LONRF1: variants seen among roughly 807,000 people sequenced by gnomAD.
LONRF1 encodes the protein LON peptidase N-terminal domain and ring finger 1, also known as LON peptidase N-terminal domain and RING finger protein 1.
In LONRF1, 37 loss-of-function variants were observed where a neutral mutation model predicts 85.8. That is an observed-to-expected ratio of 0.43 (90% CI 0.33 to 0.57). The LOEUF (loss-of-function observed/expected upper bound fraction) is 0.57, where lower values mean the gene tolerates loss of function less well. LONRF1 is among the 20% of genes least tolerant of loss of function. LONRF1 has a pLI of 0.04. For missense variants in LONRF1, 1,036 were observed against 978.0 expected (o/e 1.06, Z -0.79); for synonymous variants, 517 against 390.1 (o/e 1.33, Z -3.83).
chr8:12,729,415 A>G, intron 8 of LONRF1, 83 bp from the exon 9 acceptor site: 1 of 1,322,542 alleles, frequency 7.6e-7, no homozygotes, highest in Non-Finnish European at 1.1e-6. Context: ...GAGGTTTATA[A>G]CAGTAATGAA....
Position 12,735,292 on chromosome 8 carries a change from T to C in LONRF1, c.1560A>G (p.Leu520=). 1 of 1,594,964 alleles carries C rather than the reference T, an allele frequency of 6.3e-7. No individual in the cohort carries two copies. Among genetic ancestry groups the C allele is most frequent in the Non-Finnish European group, 8.6e-7 (1 of 1,167,066 alleles). ...CACATATACAAATATTTACCTCTTT[T>C]AAGCTTTCTTTGCAAAGAGGACAAT... ...APYCPLCKES[L]KEYLADRRYC... Residue 520 remains leucine, a synonymous_variant, in exon 7 of 12, where the codon TTA becomes TTG. Transcript: ENST00000398246.
At chr8:12,751,839 G>A (rs759752009) in intron 1 of LONRF1, among the ~76,000 whole-genome samples, 1 of 152,058 alleles carries the variant, frequency 6.6e-6, no homozygotes. Context: ...GATCATTTCA[G>A]TAGGCTCAAG....
intron 8 of LONRF1, among the ~76,000 whole-genome samples, chr8:12,729,889 GAA>G (rs1433432467): frequency 6.6e-6 from 1 of 152,170 alleles, no homozygotes; most frequent in African/African-American, 2.4e-5. Flanking sequence ...TTGGTAGAAA[GAA>G]AGAGAAGGAT....
Position 12,725,834 on chromosome 8 carries a change from A to G in LONRF1, c.2056T>C (p.Leu686=), listed in dbSNP as rs770188837. ...CAGCTGCAGGCTTGAGAGTAAACCAAATCATGAAGCTCTCTGAGATTCTTA... is the reference window on the plus strand; with the variant it reads ...CAGCTGCAGGCTTGAGAGTAAACCAGATCATGAAGCTCTCTGAGATTCTTA... ...EIKNLRELHD[L]VYSQACSWFQ... Residue 686 remains leucine, a synonymous_variant, in exon 11 of 12, where the codon TTG becomes CTG. Coordinates refer to ENST00000398246, the MANE Select transcript of LONRF1 (RefSeq NM_152271.5). 5.6e-6 allele frequency: 9 copies of G among 1,613,250 alleles called. No homozygotes were observed. Among genetic ancestry groups the G allele is most frequent in the Non-Finnish European group, 5.9e-6 (7 of 1,179,574 alleles).
At chr8:12,746,042 T>C (rs1022321359) in intron 1 of LONRF1, among the ~76,000 whole-genome samples, 1 of 152,232 alleles carries the variant, frequency 6.6e-6, no homozygotes, top group African/African-American at 2.4e-5. Context: ...GTATTCTCTA[T>C]TATTGACACC....
chr8:12,736,299 C>T (rs1384237850), intron 6 of LONRF1, among the ~76,000 whole-genome samples: 1 of 152,132 alleles, frequency 6.6e-6, no homozygotes, highest in Non-Finnish European at 1.5e-5. Flanking sequence ...GGTTAATATA[C>T]ATTAATAAGA....
At position 12,729,346 on chromosome 8, in the gene LONRF1, A is replaced by C; in HGVS notation, c.1689-14T>G. On this transcript the variant is annotated splice_polypyrimidine_tract_variant and intron_variant, in intron 8 of 11. Coordinates refer to ENST00000398246, the MANE Select transcript of LONRF1 (RefSeq NM_152271.5). ...TTCTTGGTCAAGCTAAGGGAAAAACAGTTTAATTATTAGAATTCATACAAG... is the reference window on the plus strand; with the variant it reads ...TTCTTGGTCAAGCTAAGGGAAAAACCGTTTAATTATTAGAATTCATACAAG... The C allele has an allele frequency of 6.2e-7, 1 of 1,610,706 alleles. No homozygotes were observed. Among genetic ancestry groups the C allele is most frequent in the South Asian group, 1.1e-5 (1 of 90,488 alleles).
rs1805975984 is a variant in LONRF1, at chr8:12,723,034, G to C, written c.*62C>G. The C allele has an allele frequency of 4.9e-6, 7 of 1,426,660 alleles. No homozygotes were observed. In the South Asian group the frequency reaches 5.9e-5, roughly 12 times the overall value. The allele number at this position is 1,426,660 out of a possible 1,614,324, so 88.4% of individuals were successfully genotyped here. ...CAGCACTAGATGTGCAAAGGCAGCAGACAATCTGGCCATCAATGCAGCCAG... is the reference window on the plus strand; with the variant it reads ...CAGCACTAGATGTGCAAAGGCAGCACACAATCTGGCCATCAATGCAGCCAG... On this transcript the variant is annotated 3_prime_UTR_variant, in exon 12 of 12. Transcript: ENST00000398246.
intron 6 of LONRF1, among the ~76,000 whole-genome samples, chr8:12,735,925 T>C (rs562660410): frequency 6.6e-6 from 1 of 152,216 alleles, no homozygotes; most frequent in Non-Finnish European, 1.5e-5. Context: ...TGAATCCTAA[T>C]GTTAGACTTA....
rs1021991641 is a variant in LONRF1, at chr8:12,736,946, A to T, written c.1308T>A (p.Asp436Glu). ...LKRKLSLLEQ[D>E]VIVNEDGRNK... is the part of the protein sequence containing the mutation. ...TTCTTCCATCTTCATTTACAATCAC[A>T]TCCTGTTCTAAAAGAGACAACTTTC... Residue 436 changes from aspartate (D) to glutamate (E), a missense_variant, in exon 5 of 12, where the codon GAT (aspartate) becomes GAA (glutamate). Around this residue, in one of 3 missense-constraint regions of LONRF1, gnomAD observed 742 missense variants for 614.4 expected, o/e 1.21. Coordinates refer to ENST00000398246, the MANE Select transcript of LONRF1 (RefSeq NM_152271.5). 1 of 1,613,372 alleles carries T rather than the reference A, an allele frequency of 6.2e-7. No homozygotes were observed. Among genetic ancestry groups the T allele is most frequent in the East Asian group, 2.2e-5 (1 of 44,848 alleles).
chr8:12,724,448 C>T (rs895596105), intron 11 of LONRF1, among the ~76,000 whole-genome samples: 2 of 152,192 alleles, frequency 1.3e-5, no homozygotes, highest in Admixed American at 1.3e-4. Flanking sequence ...TCTCTGGTGG[C>T]AGATTCCCTG....
At chr8:12,739,820 G>A (rs754775636) in intron 3 of LONRF1, among the ~76,000 whole-genome samples, 3 of 152,100 alleles carry the variant, frequency 2.0e-5, no homozygotes, top group East Asian at 1.9e-4. Context: ...TAACACTAAC[G>A]AACATGGAAC....
At position 12,754,845 on chromosome 8, in the gene LONRF1, T is replaced by C. The variant is rs1215408157; in HGVS notation, c.576A>G (p.Arg192=). 1 of 1,493,220 alleles carries C rather than the reference T, an allele frequency of 6.7e-7. No individual in the cohort carries two copies. The highest frequency in any genetic ancestry group is 8.9e-7 in the Non-Finnish European group (1 of 1,126,570). The allele number at this position is 1,493,220 out of a possible 1,614,324, so 92.5% of individuals were successfully genotyped here. A position where few individuals can be genotyped will look rare whatever the true frequency, so the allele number is the denominator to read the frequency against. The part of the protein sequence containing the change: ...LAAAIAASDF[R]TSVVLNHLAE... ...CCAGGTGGTTGAGGACGACGCTGGT[T>C]CTGAAGTCTGAAGCGGCGATGGCGG... Residue 192 remains arginine (R), a synonymous_variant, in exon 1 of 12, where the codon AGA becomes AGG. Coordinates refer to ENST00000398246, the MANE Select transcript of LONRF1 (RefSeq NM_152271.5).
chr8:12,740,787 C>G, intron 3 of LONRF1, 87 bp downstream of exon 3: 13 of 1,499,024 alleles, frequency 8.7e-6, no homozygotes, highest in Non-Finnish European at 1.2e-5. Context: ...TACTTATGTT[C>G]TTATTCCAAC....
At position 12,755,109 on chromosome 8, in the gene LONRF1, G is replaced by T; in HGVS notation, c.312C>A (p.Gly104=). Residue 104 remains glycine, a synonymous_variant, in exon 1 of 12, where the codon GGC becomes GGA. Coordinates refer to ENST00000398246, the MANE Select transcript of LONRF1 (RefSeq NM_152271.5). ...VFNYRLRHGL[G]WSAAPVAGAD... ...CGCCTGCAACCGGGGCCGCGCTCCAGCCCAGCCCGTGGCGGAGCCGGTAGT... is the reference window on the plus strand; with the variant it reads ...CGCCTGCAACCGGGGCCGCGCTCCATCCCAGCCCGTGGCGGAGCCGGTAGT... 6.8e-7 allele frequency: 1 copy of T among 1,462,792 alleles called. No homozygotes were observed. The highest frequency in any genetic ancestry group is 9.0e-7 in the Non-Finnish European group (1 of 1,111,884). The allele number at this position is 1,462,792 out of a possible 1,614,324, so 90.6% of individuals were successfully genotyped here.
intron 1 of LONRF1, among the ~76,000 whole-genome samples, chr8:12,746,209 A>G (rs140358230): frequency 6.6e-6 from 1 of 152,238 alleles, no homozygotes; most frequent in East Asian, 1.9e-4. Flanking sequence ...CCCTGCCTTC[A>G]GTTCTACTCT....
intron 10 of LONRF1, chr8:12,727,404 G>T (rs1437177050): frequency 6.6e-6 from 1 of 151,174 alleles, no homozygotes; most frequent in Non-Finnish European, 1.5e-5. Flanking sequence ...TATAAGAAGA[G>T]GAAAATTTGC....
Position 12,755,312 on chromosome 8 carries a change from G to C in LONRF1, c.109C>G (p.Arg37Gly), listed in dbSNP as rs1325708062. 1 of 1,249,808 alleles carries C rather than the reference G, an allele frequency of 8.0e-7. No individual in the cohort carries two copies. Among genetic ancestry groups the C allele is most frequent in the Non-Finnish European group, 1.0e-6 (1 of 993,844 alleles). 77.4% of individuals were successfully genotyped at this position (1,249,808 alleles called of 1,614,324 possible). A position where few individuals can be genotyped will look rare whatever the true frequency, so the allele number is the denominator to read the frequency against. The change falls in exon 1 of 12, where the codon CGG (arginine) becomes GGG (glycine). Residue 37 changes from arginine to glycine, a missense_variant. Transcript: ENST00000398246. ...FWEVGGGSGH[R>G]LERAAAESER... The stretch of plus-strand genomic sequence containing the variant: ...GACTCCGCGGCCGCGCGCTCCAGCC[G>C]ATGGCCGCTGCCGCCGCCCACTTCC...
chr8:12,726,330 G>T (rs1033246247), intron 10 of LONRF1, among the ~76,000 whole-genome samples: 1 of 151,634 alleles, frequency 6.6e-6, no homozygotes, highest in African/African-American at 2.4e-5. Flanking sequence ...GTAACAGGAG[G>T]AGTCCAGGCA....
Sources: allele counts gnomAD v4.1 joint callset (sites outside exome capture counted in the v4.1 genomes callset), GRCh38; gene constraint gnomAD v4.1.1; regional missense constraint gnomAD v4.1.1; transcripts MANE v1.5; gene names NCBI Gene and HGNC (gene_info 2026-07-23, HGNC 2026-07-21).